Variants in MASP2 observed in about 807,000 individuals in gnomAD.
The protein encoded by MASP2 is mannan-binding lectin serine protease 2.
In MASP2, 49 loss-of-function variants were observed where a neutral mutation model predicts 57.1. The observed-to-expected ratio is 0.86, with a 90% CI of 0.68 to 1.09. The LOEUF (loss-of-function observed/expected upper bound fraction) is 1.09, where lower values mean the gene tolerates loss of function less well. Ranked by LOEUF, MASP2 falls within the 50% of genes least tolerant of loss-of-function variation. MASP2 has a pLI of 0.00. For missense variants in MASP2, 900 were observed against 874.8 expected, an observed-to-expected ratio of 1.03 and a Z score of -0.36; for synonymous variants, 379 against 340.8, an observed-to-expected ratio of 1.11 and a Z score of -1.24.
chr1:11,027,489 T>C lies in MASP2; in HGVS notation c.1457A>G (p.Tyr486Cys), dbSNP rs199585831. The C allele has an allele frequency of 6.2e-6, 10 of 1,614,194 alleles. No individual in the cohort carries two copies. The highest frequency in any genetic ancestry group is 2.7e-5 in the African/African-American group (2 of 75,048). ...GGCGGATGCATCATGTTTTTGCTCA[T>C]AGACGGCATGAGCAGCTGTTAGGAC... The part of the protein sequence containing the change: ...NWVLTAAHAV[Y>C]EQKHDASALD... Residue 486 changes from tyrosine (Y) to cysteine (C), a missense_variant, in exon 11 of 11, where the codon TAT (tyrosine) becomes TGT (cysteine). Coordinates refer to ENST00000400897, the MANE Select transcript of MASP2 (RefSeq NM_006610.4).
At chr1:11,038,213 A>G (rs12131963) in intron 6 of MASP2, among the ~76,000 whole-genome samples, 12,390 of 152,122 alleles carry the variant, frequency 0.081, 989 homozygotes, top group African/African-American at 0.2. Context: ...CTAGCTCTCC[A>G]TTTCCCCATG....
At chr1:11,032,078 A>C (rs1453644904) in intron 8 of MASP2, among the ~76,000 whole-genome samples, 1 of 151,808 alleles carries the variant, frequency 6.6e-6, no homozygotes, top group East Asian at 1.9e-4. Flanking sequence ...TCTCTACCAA[A>C]AATTTAAAAG....
chr1:11,030,163 A>G lies in MASP2; in HGVS notation c.1297+13T>C, dbSNP rs1206775779. 1.3e-6 allele frequency: 2 copies of G among 1,596,284 alleles called. No homozygotes were observed. The highest frequency in any genetic ancestry group is 1.7e-6 in the Non-Finnish European group (2 of 1,164,734). On this transcript the variant is annotated intron_variant, in intron 10 of 10. Coordinates refer to ENST00000400897, the MANE Select transcript of MASP2 (RefSeq NM_006610.4). ...CATCAATTACCAGTCTCTTGTATAAATGTATCCATTACCAGGCTCACAGAC... is the reference window on the plus strand; with the variant it reads ...CATCAATTACCAGTCTCTTGTATAAGTGTATCCATTACCAGGCTCACAGAC...
At position 11,042,961 on chromosome 1, in the gene MASP2, T is replaced by C; in HGVS notation, c.803A>G (p.Glu268Gly). 6.2e-7 allele frequency: 1 copy of C among 1,614,042 alleles called. No individual in the cohort carries two copies. Among genetic ancestry groups the C allele is most frequent in the Non-Finnish European group, 8.5e-7 (1 of 1,179,946 alleles). The change falls in exon 6 of 11, where the codon GAA (glutamate) becomes GGA (glycine). Residue 268 changes from glutamate to glycine, a missense_variant. Transcript: ENST00000400897. ...FCGKTLPHRI[E>G]TKSNTVTITF... ...GATGGTCACCGTGTTGCTTTTTGTT[T>C]CAATCCTGTGGGGCAATGTCTTCCC...
Position 11,042,899 on chromosome 1 carries a change from A to T in MASP2, c.865T>A (p.Trp289Arg). The stretch of plus-strand genomic sequence containing the variant: ...CCTGTGCTCGTGTAGTGGATCTTCC[A>T]GCCTGTGTGGTCTCCTGATTCATCT... ...VTDESGDHTG[W>R]KIHYTSTAQP... The change falls in exon 6 of 11, where the codon TGG becomes AGG. Residue 289 changes from tryptophan (W) to arginine (R), a missense_variant. Coordinates refer to ENST00000400897, the MANE Select transcript of MASP2 (RefSeq NM_006610.4). 2 of 1,613,964 alleles carry T rather than the reference A, an allele frequency of 1.2e-6. No homozygotes were observed. The highest frequency in any genetic ancestry group is 1.7e-6 in the Non-Finnish European group (2 of 1,179,910).
rs1638602621 is a variant in MASP2 at position 11,045,417 on chromosome 1, T to C, written c.535A>G (p.Thr179Ala). Residue 179 changes from threonine to alanine, a missense_variant, in exon 4 of 11, where the codon ACC (threonine) becomes GCC (alanine). Physicochemically the swap from Thr to Ala is moderately conservative, Grantham distance 58. Coordinates refer to ENST00000400897, the MANE Select transcript of MASP2 (RefSeq NM_006610.4). ...AGGCAGCCTCCCTCACCTGAGCAGG[T>C]GCGCTTGTTACGGTGCAGGACGTAG... ...AGYVLHRNKRTCSALCSGQVF... is the reference protein window; with the variant it reads ...AGYVLHRNKRACSALCSGQVF... 3 of 1,613,052 alleles carry C rather than the reference T, an allele frequency of 1.9e-6. No homozygotes were observed. The South Asian group carries it at 3.3e-5, about 18-fold the overall frequency.
At chr1:11,033,544 C>T (rs1643867757) in intron 8 of MASP2, among the ~76,000 whole-genome samples, 1 of 151,806 alleles carries the variant, frequency 6.6e-6, no homozygotes, top group Non-Finnish European at 1.5e-5. Flanking sequence ...ACTCAGGAAG[C>T]TGAGGCAGGA....
chr1:11,027,913 A>G (rs1183741722), intron 10 of MASP2, among the ~76,000 whole-genome samples: 1 of 152,200 alleles, frequency 6.6e-6, no homozygotes, highest in Non-Finnish European at 1.5e-5. Flanking sequence ...TTTTGCTAAA[A>G]TAATTTGGTC....
intron 8 of MASP2, among the ~76,000 whole-genome samples, chr1:11,033,830 G>A (rs1220951470): frequency 1.3e-5 from 2 of 150,526 alleles, no homozygotes; most frequent in African/African-American, 4.9e-5. Flanking sequence ...CTACTCAGGA[G>A]GCTGAGGCAT....
intron 3 of MASP2, 24 bp from the exon 4 acceptor site, chr1:11,045,563 A>T: frequency 6.3e-7 from 1 of 1,591,778 alleles, no homozygotes; most frequent in Non-Finnish European, 8.5e-7. Context: ...AGGGCCAGGC[A>T]GGCCGTCAGG....
chr1:11,036,175 C>G (rs562008127), intron 7 of MASP2, among the ~76,000 whole-genome samples: 1 of 152,234 alleles, frequency 6.6e-6, no homozygotes, highest in African/African-American at 2.4e-5. Flanking sequence ...AACCCTGTGC[C>G]GCAAAGGATT....
rs1638611963 is a variant in MASP2, at chr1:11,045,542, G to C, written c.413-3C>G. ...GGCCACCTGGCACTCGTCAATGTCTGGGGGAGAGGCAGGGCCAGGCAGGCC... is the reference window on the plus strand; with the variant it reads ...GGCCACCTGGCACTCGTCAATGTCTCGGGGAGAGGCAGGGCCAGGCAGGCC... On this transcript the variant is annotated splice_region_variant and splice_polypyrimidine_tract_variant and intron_variant, in intron 3 of 10. Coordinates refer to ENST00000400897, the MANE Select transcript of MASP2 (RefSeq NM_006610.4). 1 of 1,603,706 alleles carries C rather than the reference G, an allele frequency of 6.2e-7. No homozygotes were observed. Among genetic ancestry groups the C allele is most frequent in the Non-Finnish European group, 8.5e-7 (1 of 1,176,768 alleles).
At chr1:11,029,623 A>AT (rs1457928852) in intron 10 of MASP2, 2 of 115,724 alleles carry the variant, frequency 1.7e-5, no homozygotes, top group Non-Finnish European at 3.7e-5. Context: ...GGTCAAGATA[A>AT]TTTTTAAAAT....
chr1:11,037,656 A>C, intron 7 of MASP2, 37 bp downstream of exon 7: 1 of 1,289,074 alleles, frequency 7.8e-7, no homozygotes, highest in Non-Finnish European at 1.1e-6. Flanking sequence ...TTTCAAAGCA[A>C]TCGTCATTGA....
At chr1:11,028,716 T>A (rs12743634) in intron 10 of MASP2, among the ~76,000 whole-genome samples, 1 of 128,862 alleles carries the variant, frequency 7.8e-6, no homozygotes, top group Admixed American at 7.6e-5. Flanking sequence ...CTTTTTTTTT[T>A]TTTTTTTTTT....
chr1:11,045,612 A>T, intron 3 of MASP2, 73 bp from the exon 4 acceptor site: 1 of 1,496,668 alleles, frequency 6.7e-7, no homozygotes, highest in Non-Finnish European at 8.9e-7. Context: ...TCCTCCCAGG[A>T]GATCCATGAC....
rs867144992 is a variant in MASP2, at chr1:11,042,958, G to A, written c.806C>T (p.Thr269Ile). Residue 269 changes from threonine to isoleucine, a missense_variant, in exon 6 of 11, where the codon ACA (threonine) becomes ATA (isoleucine). By Grantham distance (89) the Thr-to-Ile change is moderately conservative (BLOSUM62 -1). Coordinates refer to ENST00000400897, the MANE Select transcript of MASP2 (RefSeq NM_006610.4). Reference sequence around the variant, plus strand: ...GGTGATGGTCACCGTGTTGCTTTTTGTTTCAATCCTGTGGGGCAATGTCTT... The same window carrying A: ...GGTGATGGTCACCGTGTTGCTTTTTATTTCAATCCTGTGGGGCAATGTCTT... The part of the protein sequence containing the change: ...CGKTLPHRIE[T>I]KSNTVTITFV... 15 of 1,613,870 alleles carry A rather than the reference G, an allele frequency of 9.3e-6. No homozygotes were observed. The African/African-American group carries it at 1.3e-4, about 14-fold the overall frequency.
rs61735601 is a variant in MASP2 at position 11,046,705 on chromosome 1, G to A, written c.263C>T (p.Thr88Met). ...GTCTGTGCTCTCCTGCCCGCACAGC[G>A]TGGCCAGCACCTTGGCCCCCGAGCT... The part of the protein sequence containing the change: ...KLSSGAKVLA[T>M]LCGQESTDTE... The change falls in exon 3 of 11, where the codon ACG (threonine) becomes ATG (methionine). Residue 88 changes from threonine (T) to methionine (M), a missense_variant. By Grantham distance (81) the Thr-to-Met change is moderately conservative. Coordinates refer to ENST00000400897, the MANE Select transcript of MASP2 (RefSeq NM_006610.4). The A allele has an allele frequency of 3.3e-4, 529 of 1,613,236 alleles. 1 individual carries two copies. The African/African-American group carries it at 6.1e-3, about 19-fold the overall frequency.
chr1:11,034,598 T>C (rs1643874698), intron 8 of MASP2, among the ~76,000 whole-genome samples: 1 of 149,384 alleles, frequency 6.7e-6, no homozygotes. Context: ...CTCAGGAGGC[T>C]GAGGCAGGAG....
Sources: allele counts gnomAD v4.1 joint callset (sites outside exome capture counted in the v4.1 genomes callset), GRCh38; gene constraint gnomAD v4.1.1; transcripts MANE v1.5; gene names NCBI Gene and HGNC (gene_info 2026-07-23, HGNC 2026-07-21).